Variants in FHIT observed in about 807,000 individuals in gnomAD.
FHIT encodes bis(5'-adenosyl)-triphosphatase.
Under a neutral mutation model 17.9 loss-of-function variants are expected in FHIT, and 19 were observed. The ratio of observed to expected loss-of-function variants is 1.06; its 90% confidence interval spans 0.74 to 1.56. FHIT has a LOEUF of 1.56. Ranked by LOEUF, FHIT falls within the 40% of genes most tolerant of loss-of-function variation. FHIT has a pLI of 0.00. For synonymous variants in FHIT, 81 were observed against 69.7 expected (o/e 1.16, Z -0.81); for missense variants, 248 against 189.2 (o/e 1.31, Z -1.82).
intron 5 of FHIT, among the ~76,000 whole-genome samples, chr3:60,347,145 CG>C (rs1328700496): frequency 1.3e-5 from 2 of 151,796 alleles, no homozygotes; most frequent in Non-Finnish European, 2.9e-5. Flanking sequence ...ATTACCTTCT[CG>C]GTATGTGGTA....
At chr3:61,130,236 G>A (rs1288398456) in intron 2 of FHIT, among the ~76,000 whole-genome samples, 1 of 152,182 alleles carries the variant, frequency 6.6e-6, no homozygotes, top group Non-Finnish European at 1.5e-5. Context: ...ACCTAAGAAT[G>A]TCCAGGGAAA....
Position 60,187,805 on chromosome 3 carries a change from C to G in FHIT, c.104-173653G>C, listed in dbSNP as rs192961884. On this transcript the variant is annotated intron_variant, in intron 5 of 9. Transcript: ENST00000492590. ...TAATTTAATTCATTCATTTGCATCTCTCTCTTCTAAGTATGATATAATTCA... is the reference window on the plus strand; with the variant it reads ...TAATTTAATTCATTCATTTGCATCTGTCTCTTCTAAGTATGATATAATTCA... Among the ~76,000 whole-genome samples the G allele has an allele frequency of 2.1e-3, 322 of 152,294 alleles. 1 individual carries two copies. Among genetic ancestry groups the G allele is most frequent in the African/African-American group, 7.4e-3 (308 of 41,562 alleles).
chr3:59,840,457 G>T (rs1701493576), intron 8 of FHIT, among the ~76,000 whole-genome samples: 1 of 149,594 alleles, frequency 6.7e-6, no homozygotes, highest in African/African-American at 2.5e-5. Context: ...CTTCATTTTT[G>T]AATGTTGGCA....
chr3:60,727,642 A>C (rs1038159425), intron 4 of FHIT, among the ~76,000 whole-genome samples: 2 of 152,240 alleles, frequency 1.3e-5, no homozygotes, highest in Non-Finnish European at 2.9e-5. Context: ...TATTACTAAA[A>C]TATTATCCAA....
intron 5 of FHIT, among the ~76,000 whole-genome samples, chr3:60,041,670 T>A (rs1450349256): frequency 6.6e-6 from 1 of 152,176 alleles, no homozygotes; most frequent in Non-Finnish European, 1.5e-5. Context: ...CACAAAGCTG[T>A]CATGGGGAGA....
At chr3:60,755,967 C>A (rs17063922) in intron 4 of FHIT, among the ~76,000 whole-genome samples, 1 of 152,208 alleles carries the variant, frequency 6.6e-6, no homozygotes, top group African/African-American at 2.4e-5. Flanking sequence ...ACCACCCTTA[C>A]ATTTCCAAAG....
chr3:60,572,120 G>T (rs1048818927), intron 4 of FHIT, among the ~76,000 whole-genome samples: 1 of 151,990 alleles, frequency 6.6e-6, no homozygotes, highest in African/African-American at 2.4e-5. Context: ...AGCACCACAA[G>T]ATTACCCATC....
At chr3:60,986,588 T>A (rs1469851351) in intron 3 of FHIT, among the ~76,000 whole-genome samples, 2 of 152,188 alleles carry the variant, frequency 1.3e-5, no homozygotes, top group African/African-American at 4.8e-5. Flanking sequence ...AAATTTCAAA[T>A]TTCTCTATTG....
chr3:60,932,159 C>A (rs1277521048), intron 3 of FHIT, among the ~76,000 whole-genome samples: 1 of 152,200 alleles, frequency 6.6e-6, no homozygotes, highest in Non-Finnish European at 1.5e-5. Context: ...AAATAAAAAA[C>A]CATTGTGCTA....
intron 5 of FHIT, among the ~76,000 whole-genome samples, chr3:60,339,636 A>G (rs1710417865): frequency 6.6e-6 from 1 of 152,180 alleles, no homozygotes; most frequent in Non-Finnish European, 1.5e-5. Context: ...CATCTGCCAG[A>G]AGGAAATATT....
At chr3:60,683,761 C>T (rs1329314828) in intron 4 of FHIT, among the ~76,000 whole-genome samples, 1 of 152,120 alleles carries the variant, frequency 6.6e-6, no homozygotes, top group Non-Finnish European at 1.5e-5. Context: ...TTTACTTACA[C>T]TTCAAGAAAT....
chr3:60,160,062 A>G (rs1353015579), intron 5 of FHIT, among the ~76,000 whole-genome samples: 2 of 152,090 alleles, frequency 1.3e-5, no homozygotes, highest in East Asian at 1.9e-4. Context: ...TTTCGGGGCA[A>G]ATTTTTAAAG....
rs1230439848 is a variant in FHIT at position 60,441,751 on chromosome 3, TATAAAA to T, written c.103+95103_103+95108del. On this transcript the variant is annotated intron_variant, in intron 5 of 9. Coordinates refer to ENST00000492590, the MANE Select transcript of FHIT (RefSeq NM_002012.4). ...GTATTTATATATATATATTTATATA[TATAAAA>T]ATATATATATATTTATATGTATAAA... Among the ~76,000 whole-genome samples, 25 of 14,746 alleles carry T rather than the reference TATAAAA, an allele frequency of 1.7e-3. 2 individuals carry two copies. The East Asian group carries it at 0.02, about 12-fold the overall frequency. 9.7% of individuals were successfully genotyped at this position (14,746 alleles called of 152,430 possible). A position where few individuals can be genotyped will look rare whatever the true frequency, so the allele number is the denominator to read the frequency against.
intron 4 of FHIT, among the ~76,000 whole-genome samples, chr3:60,595,715 C>G (rs1315529781): frequency 6.6e-6 from 1 of 151,912 alleles, no homozygotes. Flanking sequence ...GCAGTTATAG[C>G]TCACTGAAGC....
intron 5 of FHIT, among the ~76,000 whole-genome samples, chr3:60,054,753 G>A (rs1367697343): frequency 6.6e-6 from 1 of 152,132 alleles, no homozygotes; most frequent in Non-Finnish European, 1.5e-5. Context: ...TTTCTTTGTT[G>A]TGTTGGTGGT....
intron 7 of FHIT, among the ~76,000 whole-genome samples, chr3:59,941,494 T>G (rs1186587372): frequency 6.6e-6 from 1 of 152,210 alleles, no homozygotes; most frequent in Non-Finnish European, 1.5e-5. Context: ...CCTTGTGATA[T>G]CCCACATTCT....
intron 5 of FHIT, among the ~76,000 whole-genome samples, chr3:60,486,910 C>T (rs1442079708): frequency 6.6e-6 from 1 of 152,130 alleles, no homozygotes; most frequent in East Asian, 1.9e-4. Flanking sequence ...CAAAATGCAA[C>T]TACAGACTGT....
chr3:60,141,317 A>G (rs1700029785), intron 5 of FHIT, among the ~76,000 whole-genome samples: 1 of 151,722 alleles, frequency 6.6e-6, no homozygotes, highest in Non-Finnish European at 1.5e-5. Context: ...AAGAAAACTG[A>G]TTACTTACAG....
chr3:60,329,056 G>A (rs1241197273), intron 5 of FHIT, among the ~76,000 whole-genome samples: 1 of 152,158 alleles, frequency 6.6e-6, no homozygotes, highest in Non-Finnish European at 1.5e-5. Flanking sequence ...CCTTAGCAAA[G>A]CCTTTTGAAT....
Sources: allele counts gnomAD v4.1 joint callset (sites outside exome capture counted in the v4.1 genomes callset), GRCh38; gene constraint gnomAD v4.1.1; transcripts MANE v1.5; gene names NCBI Gene and HGNC (gene_info 2026-07-23, HGNC 2026-07-21).